MCPH1: variants seen among roughly 807,000 people sequenced by gnomAD.
The protein encoded by MCPH1 is microcephalin.
A neutral mutation model predicts 84.5 loss-of-function variants in MCPH1; 104 were observed. That is an observed-to-expected ratio of 1.23 (90% CI 1.05 to 1.45). The LOEUF is 1.45. Ranked by LOEUF, MCPH1 falls within the 40% of genes most tolerant of loss-of-function variation. The pLI is 0.00. For missense variants in MCPH1, 1,498 were observed against 1,005.7 expected (o/e 1.49, Z -6.62); for synonymous variants, 514 against 366.8 (o/e 1.40, Z -4.58).
intron 12 of MCPH1, among the ~76,000 whole-genome samples, chr8:6,543,274 A>G (rs1034496717): frequency 1.3e-5 from 2 of 152,230 alleles, no homozygotes; most frequent in Non-Finnish European, 2.9e-5. Context: ...TCTTCTGTAC[A>G]TGAAGATGCA....
At chr8:6,455,052 T>G (rs956231951) in intron 8 of MCPH1, 91 bp from the exon 9 acceptor site, 3 of 938,676 alleles carry the variant, frequency 3.2e-6, no homozygotes, top group Non-Finnish European at 5.3e-6. Context: ...ACTTCCTGTT[T>G]CCATTATGCA....
intron 12 of MCPH1, among the ~76,000 whole-genome samples, chr8:6,528,696 C>G (rs1348609867): frequency 6.6e-6 from 1 of 152,230 alleles, no homozygotes; most frequent in African/African-American, 2.4e-5. Context: ...CTCACTTCCT[C>G]CATGTCATGC....
chr8:6,457,400 C>G (rs12542108), intron 9 of MCPH1, among the ~76,000 whole-genome samples: 1 of 151,906 alleles, frequency 6.6e-6, no homozygotes, highest in Non-Finnish European at 1.5e-5. Flanking sequence ...GCCTGGCCAA[C>G]ATGGCAAAAC....
chr8:6,526,338 A>G (rs528018680), intron 12 of MCPH1, among the ~76,000 whole-genome samples: 354 of 150,884 alleles, frequency 2.3e-3, no homozygotes, highest in Non-Finnish European at 2.5e-3. Context: ...GGAGGCTGAC[A>G]TGGGAGAATC....
At chr8:6,509,539 G>C (rs944137703) in intron 12 of MCPH1, among the ~76,000 whole-genome samples, 3 of 152,118 alleles carry the variant, frequency 2.0e-5, no homozygotes, top group Admixed American at 1.3e-4. Context: ...TCTACAGAAC[G>C]GTGCTGAAAA....
chr8:6,624,826 C>T (rs1212678752), intron 13 of MCPH1: 3 of 985,176 alleles, frequency 3.0e-6, no homozygotes, highest in Non-Finnish European at 3.6e-6. Context: ...CCTGCCTCAT[C>T]CAGGTCCAGG....
chr8:6,640,394 T>C (rs1034826590), intron 13 of MCPH1, among the ~76,000 whole-genome samples: 2 of 152,164 alleles, frequency 1.3e-5, no homozygotes, highest in African/African-American at 4.8e-5. Flanking sequence ...ATTTTCAATA[T>C]TGGGTGATCC....
intron 9 of MCPH1, 82 bp from the exon 10 acceptor site, chr8:6,477,512 A>T: frequency 7.7e-7 from 1 of 1,302,246 alleles, no homozygotes; most frequent in Non-Finnish European, 1.1e-6. Flanking sequence ...TTTTCAAAAA[A>T]CTTATTACAG....
chr8:6,551,964 C>G (rs1823727141), intron 12 of MCPH1, among the ~76,000 whole-genome samples: 2 of 152,300 alleles, frequency 1.3e-5, no homozygotes, highest in South Asian at 2.1e-4. Context: ...AACTCTAATA[C>G]TTCAACTATC....
chr8:6,433,215 A>G (rs185725661), intron 4 of MCPH1, among the ~76,000 whole-genome samples: 1 of 152,318 alleles, frequency 6.6e-6, no homozygotes, highest in East Asian at 1.9e-4. Context: ...AGTTTTTGCT[A>G]AGTATATTAC....
intron 12 of MCPH1, among the ~76,000 whole-genome samples, chr8:6,538,830 A>G (rs1240762298): frequency 6.6e-6 from 1 of 152,208 alleles, no homozygotes; most frequent in African/African-American, 2.4e-5. Context: ...CCTAGTAACA[A>G]CAAGCAAAAC....
intron 12 of MCPH1, among the ~76,000 whole-genome samples, chr8:6,572,657 G>T (rs540586460): frequency 6.6e-6 from 1 of 152,224 alleles, no homozygotes; most frequent in Non-Finnish European, 1.5e-5. Flanking sequence ...AGCTGTCTCT[G>T]TATCCTCAGG....
chr8:6,637,502 G>C (rs1797640536), intron 13 of MCPH1, among the ~76,000 whole-genome samples: 2 of 152,164 alleles, frequency 1.3e-5, no homozygotes, highest in African/African-American at 4.8e-5. Context: ...TGAAGCTGGA[G>C]AAGCAGGCAG....
intron 12 of MCPH1, among the ~76,000 whole-genome samples, chr8:6,507,080 T>C (rs1813890169): frequency 6.6e-6 from 1 of 152,114 alleles, no homozygotes; most frequent in South Asian, 2.1e-4. Context: ...GTATTTTTAG[T>C]AGAGATGGGG....
chr8:6,424,877 T>C (rs187976839), intron 3 of MCPH1, among the ~76,000 whole-genome samples: 4 of 152,356 alleles, frequency 2.6e-5, no homozygotes, highest in Admixed American at 6.5e-5. Context: ...ATAGCGTGCT[T>C]CGCGGCTGGA....
chr8:6,621,752 G>C (rs942333622), intron 13 of MCPH1, 61 bp downstream of exon 13: 1 of 1,611,422 alleles, frequency 6.2e-7, no homozygotes, highest in Non-Finnish European at 8.5e-7. Context: ...GGTTTCCAGG[G>C]AGGGCGGCGT....
chr8:6,582,057 C>A (rs1476871393), intron 12 of MCPH1, among the ~76,000 whole-genome samples: 1 of 152,176 alleles, frequency 6.6e-6, no homozygotes, highest in Non-Finnish European at 1.5e-5. Context: ...AACATTCAGA[C>A]CATAGCCACT....
chr8:6,436,143 A>C lies in MCPH1; in HGVS notation c.417A>C (p.Gln139His), dbSNP rs1802605584. ...TTGAGAAAATGGCTAAAGAGCTACA[A>C]AGGCAAAAAACAAATCTAGGTAAGC... ...KKFEKMAKELQRQKTNLDDDV... is the reference protein window; with the variant it reads ...KKFEKMAKELHRQKTNLDDDV... The change falls in exon 5 of 14, where the codon CAA becomes CAC. Residue 139 changes from glutamine (Q) to histidine (H), a missense_variant. Physicochemically the swap from Gln to His is conservative, Grantham distance 24. Transcript: ENST00000344683. The C allele has an allele frequency of 1.9e-6, 3 of 1,613,580 alleles. No individual in the cohort carries two copies. The highest frequency in any genetic ancestry group is 8.5e-7 in the Non-Finnish European group (1 of 1,179,746).
intron 11 of MCPH1, among the ~76,000 whole-genome samples, chr8:6,498,889 A>C (rs917896880): frequency 6.6e-6 from 1 of 151,892 alleles, no homozygotes; most frequent in Non-Finnish European, 1.5e-5. Context: ...TCTCTACTAC[A>C]AATACAAAAA....
Sources: allele counts gnomAD v4.1 joint callset (sites outside exome capture counted in the v4.1 genomes callset), GRCh38; gene constraint gnomAD v4.1.1; transcripts MANE v1.5; gene names NCBI Gene and HGNC (gene_info 2026-07-23, HGNC 2026-07-21).